Variants in KIAA0319L observed in about 807,000 individuals in gnomAD.
KIAA0319L encodes the protein dyslexia-associated protein KIAA0319-like protein.
A neutral mutation model predicts 120.1 loss-of-function variants in KIAA0319L; 55 were observed. The ratio of observed to expected loss-of-function variants is 0.46; its 90% CI spans 0.37 to 0.57. The LOEUF (loss-of-function observed/expected upper bound fraction) is 0.57, where lower values mean the gene tolerates loss of function less well. KIAA0319L is among the 20% of genes least tolerant of loss of function. KIAA0319L has a pLI of 0.00. For missense variants in KIAA0319L, 1,049 were observed against 1,255.3 expected, an observed-to-expected ratio of 0.84 and a Z score of 2.48; for synonymous variants, 398 against 471.9, an observed-to-expected ratio of 0.84 and a Z score of 2.03.
In KIAA0319L at chr1:35,462,635, A is replaced by T; in HGVS notation, c.1280T>A (p.Val427Asp). 6.2e-7 allele frequency: 1 copy of T among 1,611,980 alleles called. No individual in the cohort carries two copies. The highest frequency in any genetic ancestry group is 8.5e-7 in the Non-Finnish European group (1 of 1,178,016). ...CAAGTACTCACGACTGCCATCAATG[A>T]CTGTAGAAGTGGTTGGCAAAGAGAT... ...QEISLPTTST[V>D]IDGSQSTDDD... The change falls in exon 8 of 21, where the codon GTC becomes GAC. Residue 427 changes from valine (V) to aspartate (D), a missense_variant. By Grantham distance (152) the Val-to-Asp change is radical. Coordinates refer to ENST00000325722, the MANE Select transcript of KIAA0319L (RefSeq NM_024874.5).
chr1:35,469,831 G>A (rs763569604), intron 6 of KIAA0319L, among the ~76,000 whole-genome samples: 1 of 151,918 alleles, frequency 6.6e-6, no homozygotes, highest in Non-Finnish European at 1.5e-5. Flanking sequence ...ATGAATAGAT[G>A]TAGAATGAAT....
chr1:35,500,178 C>T (rs1158211712), intron 3 of KIAA0319L, among the ~76,000 whole-genome samples: 1 of 152,236 alleles, frequency 6.6e-6, no homozygotes, highest in Admixed American at 6.5e-5. Flanking sequence ...CCTAAGTGGA[C>T]TTTCATTTCC....
At chr1:35,481,826 T>C (rs1254630971) in intron 3 of KIAA0319L, among the ~76,000 whole-genome samples, 1 of 133,472 alleles carries the variant, frequency 7.5e-6, no homozygotes, top group South Asian at 2.6e-4. Flanking sequence ...TTTTTTTTTT[T>C]TTTTTTTTTT....
At chr1:35,460,471 G>C (rs772081042) in intron 8 of KIAA0319L, 34 bp from the exon 9 acceptor site, 2 of 1,606,880 alleles carry the variant, frequency 1.2e-6, no homozygotes, top group African/African-American at 2.7e-5. Context: ...TACAACATGA[G>C]AACGCTTGGT....
chr1:35,506,318 C>CT lies in KIAA0319L; in HGVS notation c.666+293dup, dbSNP rs1645201518. 6.6e-6 allele frequency among the ~76,000 whole-genome samples: 1 copy of CT among 152,188 alleles called. No homozygotes were observed. Among genetic ancestry groups the CT allele is most frequent in the Non-Finnish European group, 1.5e-5 (1 of 68,034 alleles). On this transcript the variant is annotated intron_variant, in intron 3 of 20. Coordinates refer to ENST00000325722, the MANE Select transcript of KIAA0319L (RefSeq NM_024874.5). The surrounding 1 kb of genome is among the most constrained non-coding windows in gnomAD (Gnocchi z 4.0). The stretch of plus-strand genomic sequence containing the variant: ...AATACTGCAGAATGGTTGGTGAATA[C>CT]TAACAGCCATACAACTGTACTTACC...
At chr1:35,475,072 T>C (rs372160185) in intron 4 of KIAA0319L, among the ~76,000 whole-genome samples, 166 bp from the exon 5 acceptor site, 18 of 152,268 alleles carry the variant, frequency 1.2e-4, no homozygotes, top group African/African-American at 4.3e-4. Context: ...CTGTCCCCAC[T>C]TTTCCATTGA....
In KIAA0319L at chr1:35,438,075, T is replaced by A. The variant is rs190178432; in HGVS notation, c.2962+2972A>T. 1.6e-4 allele frequency among the ~76,000 whole-genome samples: 24 copies of A among 152,322 alleles called. No individual in the cohort carries two copies. In the South Asian group the frequency reaches 4.6e-3, roughly 29 times the overall value. Reference sequence around the variant, plus strand: ...TAGCCACTCCCCTTCAATTATTATATGTTGTCACCAGACTGATTTTCCTAA... The same window carrying A: ...TAGCCACTCCCCTTCAATTATTATAAGTTGTCACCAGACTGATTTTCCTAA... On this transcript the variant is annotated intron_variant, in intron 20 of 20. Transcript: ENST00000325722.
At chr1:35,518,445 A>G (rs1454045828) in intron 2 of KIAA0319L, among the ~76,000 whole-genome samples, 3 of 152,218 alleles carry the variant, frequency 2.0e-5, no homozygotes, top group Non-Finnish European at 4.4e-5. Context: ...TATTATCTTT[A>G]GCAAACTAAC....
At chr1:35,535,802 T>C (rs1416028784) in intron 2 of KIAA0319L, among the ~76,000 whole-genome samples, 1 of 152,174 alleles carries the variant, frequency 6.6e-6, no homozygotes, top group African/African-American at 2.4e-5. Flanking sequence ...TATCATAGCA[T>C]TTCTCTCACC....
chr1:35,438,241 C>A (rs1184708125), intron 20 of KIAA0319L, among the ~76,000 whole-genome samples: 3 of 152,180 alleles, frequency 2.0e-5, no homozygotes, highest in African/African-American at 7.2e-5. Context: ...CTGTCTTGCA[C>A]CAAACACTTG....
At chr1:35,435,154 A>G in intron 20 of KIAA0319L, 73 bp from the exon 21 acceptor site, 1 of 1,352,414 alleles carries the variant, frequency 7.4e-7, no homozygotes, top group Non-Finnish European at 1.0e-6. Context: ...ACCTTACCCC[A>G]GCCTGAGGAG....
chr1:35,449,768 A>C, intron 15 of KIAA0319L, 99 bp downstream of exon 15: 1 of 1,326,654 alleles, frequency 7.5e-7, no homozygotes, highest in East Asian at 2.3e-5. Flanking sequence ...TGGACATGCC[A>C]TCTGGCTCTG....
chr1:35,471,007 CA>C, intron 5 of KIAA0319L, 47 bp from the exon 6 acceptor site: 1 of 1,049,834 alleles, frequency 9.5e-7, no homozygotes, highest in African/African-American at 1.6e-5. Flanking sequence ...CACCAACACA[CA>C]AAGAGGACAG....
chr1:35,508,024 A>T (rs1424891710), intron 2 of KIAA0319L, among the ~76,000 whole-genome samples: 1 of 152,216 alleles, frequency 6.6e-6, no homozygotes, highest in South Asian at 2.1e-4. Flanking sequence ...TTCTAAATGG[A>T]AGTGATTATG....
chr1:35,469,076 T>C (rs1326922592), intron 6 of KIAA0319L, among the ~76,000 whole-genome samples: 1 of 152,234 alleles, frequency 6.6e-6, no homozygotes, highest in Non-Finnish European at 1.5e-5. Context: ...TTGCTCAGGC[T>C]GGAGTGCAGT....
chr1:35,529,688 C>A (rs904963632), intron 2 of KIAA0319L, among the ~76,000 whole-genome samples: 1 of 152,164 alleles, frequency 6.6e-6, no homozygotes, highest in Non-Finnish European at 1.5e-5. Context: ...TTAGTCTGAT[C>A]AGGATTCCTT....
chr1:35,543,630 C>T (rs973576067), intron 2 of KIAA0319L, among the ~76,000 whole-genome samples: 2 of 152,222 alleles, frequency 1.3e-5, no homozygotes, highest in African/African-American at 4.8e-5. Context: ...AAAGTAAGGG[C>T]AAACGAGGCA....
chr1:35,494,184 C>G (rs1380530427), intron 3 of KIAA0319L, among the ~76,000 whole-genome samples: 1 of 152,036 alleles, frequency 6.6e-6, no homozygotes, highest in Non-Finnish European at 1.5e-5. Context: ...CTCAATGGCT[C>G]ACACCGGTAA....
At chr1:35,487,414 C>T (rs1012533435) in intron 3 of KIAA0319L, among the ~76,000 whole-genome samples, 30 of 152,140 alleles carry the variant, frequency 2.0e-4, no homozygotes, top group Non-Finnish European at 3.8e-4. Flanking sequence ...ACCACCACAC[C>T]GAGCTAATTT....
Sources: allele counts gnomAD v4.1 joint callset (sites outside exome capture counted in the v4.1 genomes callset), GRCh38; gene constraint gnomAD v4.1.1; non-coding constraint Gnocchi (gnomAD v3.1); transcripts MANE v1.5; gene names NCBI Gene and HGNC (gene_info 2026-07-23, HGNC 2026-07-21).